ILDR1: variants seen among roughly 807,000 people sequenced by gnomAD.
ILDR1 encodes the protein immunoglobulin-like domain-containing receptor 1.
Under a neutral mutation model 62.4 loss-of-function variants are expected in ILDR1, and 56 were observed. The ratio of observed to expected loss-of-function variants is 0.90; its 90% CI spans 0.72 to 1.12. The LOEUF is 1.12. Ranked by LOEUF, ILDR1 falls within the 50% of genes most tolerant of loss-of-function variation. The pLI, the probability that ILDR1 is intolerant of heterozygous loss-of-function variation, is 0.00. For missense variants in ILDR1, 736 were observed against 710.6 expected (o/e 1.04, Z -0.41); for synonymous variants, 284 against 277.8 (o/e 1.02, Z -0.22).
chr3:122,007,879 C>A (rs1239968413), intron 1 of ILDR1, among the ~76,000 whole-genome samples: 1 of 152,176 alleles, frequency 6.6e-6, no homozygotes, highest in Non-Finnish European at 1.5e-5. Context: ...CTCCTGTCTG[C>A]AAATCTGGGA....
chr3:122,028,209 G>A, the ILDR1 span, among the ~76,000 whole-genome samples: 7 of 151,586 alleles, frequency 4.6e-5, no homozygotes, highest in South Asian at 2.1e-4. Context: ...GGTGGCGGGC[G>A]CCTGTAGTCC....
At chr3:121,996,287 C>T (rs1340180378) in intron 5 of ILDR1, among the ~76,000 whole-genome samples, 5 of 152,246 alleles carry the variant, frequency 3.3e-5, no homozygotes, top group Admixed American at 3.3e-4. Context: ...AAATAACTCT[C>T]TAACAACCCT....
At chr3:122,046,287 C>T in the ILDR1 span, among the ~76,000 whole-genome samples, 6,519 of 149,652 alleles carry the variant, frequency 0.044, 202 homozygotes, top group South Asian at 0.099. Flanking sequence ...CCGAGAGATC[C>T]GCTGTTAGTC....
the ILDR1 span, among the ~76,000 whole-genome samples, chr3:122,041,805 T>C: frequency 1.3e-5 from 2 of 152,026 alleles, no homozygotes. Context: ...ACTTTTTTTT[T>C]TCTGGTGGAA....
At chr3:122,033,505 T>G in the ILDR1 span, among the ~76,000 whole-genome samples, 2 of 152,086 alleles carry the variant, frequency 1.3e-5, no homozygotes, top group Middle Eastern at 3.2e-3. Flanking sequence ...TTTAATAAAG[T>G]TTAATTTATC....
chr3:122,045,211 C>T, the ILDR1 span, among the ~76,000 whole-genome samples: 1 of 149,544 alleles, frequency 6.7e-6, no homozygotes, highest in Non-Finnish European at 1.5e-5. Context: ...GTTCAGTTTC[C>T]ATGTAGTTGA....
chr3:122,038,004 C>G, the ILDR1 span, among the ~76,000 whole-genome samples: 1 of 152,074 alleles, frequency 6.6e-6, no homozygotes, highest in Non-Finnish European at 1.5e-5. Context: ...TGTGCTTGCT[C>G]CTCCTTCACC....
chr3:122,024,856 T>G (rs1576741597), upstream of ILDR1, among the ~76,000 whole-genome samples: 1 of 152,234 alleles, frequency 6.6e-6, no homozygotes, highest in Admixed American at 6.5e-5. Flanking sequence ...TAGCTATTAA[T>G]ATATTTCCAT....
upstream of ILDR1, among the ~76,000 whole-genome samples, chr3:122,024,362 T>C (rs981202316): frequency 6.6e-6 from 1 of 152,342 alleles, no homozygotes; most frequent in South Asian, 2.1e-4. Flanking sequence ...GAAATACTGG[T>C]GCTGTAAACC....
chr3:122,016,693 A>C (rs1161960787), intron 1 of ILDR1, among the ~76,000 whole-genome samples: 3 of 152,228 alleles, frequency 2.0e-5, no homozygotes, highest in African/African-American at 7.2e-5. Context: ...CAGTCTCATA[A>C]GCTATAGGGA....
the ILDR1 span, among the ~76,000 whole-genome samples, chr3:122,047,905 G>C: frequency 2.5e-3 from 382 of 152,348 alleles, 2 homozygotes; most frequent in African/African-American, 8.7e-3. Context: ...CTGTAGACCG[G>C]AGCTGTTCCT....
At chr3:122,025,180 C>T (rs959539641), upstream of ILDR1, 1 of 152,166 alleles carries the variant, frequency 6.6e-6, no homozygotes, top group Non-Finnish European at 1.5e-5. Flanking sequence ...AGGCACTATT[C>T]TAGGCACTTT....
At chr3:121,990,383 T>G (rs1442018711) in intron 7 of ILDR1, among the ~76,000 whole-genome samples, 1 of 152,248 alleles carries the variant, frequency 6.6e-6, no homozygotes, top group Non-Finnish European at 1.5e-5. Flanking sequence ...AGTAAAGTGA[T>G]AACTCCTTGG....
At chr3:122,007,861 C>T (rs2071639286) in intron 1 of ILDR1, among the ~76,000 whole-genome samples, 1 of 152,202 alleles carries the variant, frequency 6.6e-6, no homozygotes, top group Admixed American at 6.5e-5. Flanking sequence ...CTACCTTCTC[C>T]AGCAGCCCTC....
At chr3:122,045,206 G>T in the ILDR1 span, among the ~76,000 whole-genome samples, 2 of 149,856 alleles carry the variant, frequency 1.3e-5, no homozygotes, top group African/African-American at 4.9e-5. Context: ...AGGTTGTTCA[G>T]TTTCCATGTA....
the ILDR1 span, among the ~76,000 whole-genome samples, chr3:122,037,887 A>C: frequency 1.3e-5 from 2 of 152,054 alleles, no homozygotes; most frequent in Non-Finnish European, 2.9e-5. Context: ...ATGAGTTCTC[A>C]TGATGTATGA....
the ILDR1 span, among the ~76,000 whole-genome samples, chr3:122,044,543 G>T: frequency 6.6e-6 from 1 of 150,554 alleles, no homozygotes; most frequent in Non-Finnish European, 1.5e-5. Flanking sequence ...AATCCATCTG[G>T]TCCTGGACTC....
At chr3:122,024,262 G>T (rs756666502), upstream of ILDR1, among the ~76,000 whole-genome samples, 1 of 151,964 alleles carries the variant, frequency 6.6e-6, no homozygotes, top group African/African-American at 2.4e-5. Flanking sequence ...AAGAAATATG[G>T]CACTCAGCAT....
intron 7 of ILDR1, among the ~76,000 whole-genome samples, chr3:121,991,315 C>T (rs896973693): frequency 1.3e-5 from 2 of 152,156 alleles, no homozygotes; most frequent in Non-Finnish European, 2.9e-5. Context: ...ATTTAACTTA[C>T]AGAAAATGAA....
Sources: allele counts gnomAD v4.1 joint callset (sites outside exome capture counted in the v4.1 genomes callset), GRCh38; gene constraint gnomAD v4.1.1; transcripts MANE v1.5; gene names NCBI Gene and HGNC (gene_info 2026-07-23, HGNC 2026-07-21).